Variants in RALYL observed in about 807,000 individuals in gnomAD.
RALYL encodes the protein RALY RNA binding protein like, also known as RNA-binding Raly-like protein.
In RALYL, 29 loss-of-function variants were observed where a neutral mutation model predicts 35.1. That is an observed-to-expected ratio of 0.83 (90% CI 0.61 to 1.13). The LOEUF is 1.13. RALYL is among the 50% of genes most tolerant of loss of function. RALYL has a pLI of 0.00. For missense variants in RALYL, 359 were observed against 360.4 expected (o/e 1.00, Z 0.03); for synonymous variants, 120 against 127.6 (o/e 0.94, Z 0.40).
At chr8:84,475,120 C>A (rs186035487) in intron 1 of RALYL, among the ~76,000 whole-genome samples, 19 of 151,230 alleles carry the variant, frequency 1.3e-4, no homozygotes, top group Non-Finnish European at 2.1e-4. Context: ...TCCAAGTGTT[C>A]GCATTGTTCA....
chr8:84,395,522 G>T (rs1861595023), intron 1 of RALYL, among the ~76,000 whole-genome samples: 1 of 151,794 alleles, frequency 6.6e-6, no homozygotes, highest in South Asian at 2.1e-4. Flanking sequence ...ATCTGTAAAT[G>T]ATGTAATCCG....
intron 1 of RALYL, among the ~76,000 whole-genome samples, chr8:84,455,781 A>T (rs2050069947): frequency 6.6e-6 from 1 of 152,052 alleles, no homozygotes; most frequent in Non-Finnish European, 1.5e-5. Context: ...CCATTTCTAT[A>T]TACATTTCTG....
intron 1 of RALYL, among the ~76,000 whole-genome samples, chr8:84,302,732 C>T (rs1053702615): frequency 1.2e-4 from 18 of 152,146 alleles, no homozygotes; most frequent in African/African-American, 2.6e-4. Context: ...GGAATGGAGT[C>T]GATGAGGGAC....
chr8:84,260,407 C>T (rs530581536), intron 1 of RALYL, among the ~76,000 whole-genome samples: 5 of 152,034 alleles, frequency 3.3e-5, no homozygotes, highest in Admixed American at 6.6e-5. Context: ...AGCTGGTGGT[C>T]GGGCTGTGGT....
intron 1 of RALYL, among the ~76,000 whole-genome samples, chr8:84,297,537 G>C (rs1586046596): frequency 6.6e-6 from 1 of 152,012 alleles, no homozygotes; most frequent in Non-Finnish European, 1.5e-5. Flanking sequence ...CTGTCTGTGT[G>C]GTAGCATAAT....
At chr8:84,635,226 AG>A (rs2131297317) in intron 2 of RALYL, among the ~76,000 whole-genome samples, 1 of 151,874 alleles carries the variant, frequency 6.6e-6, no homozygotes, top group Admixed American at 6.6e-5. Flanking sequence ...GGCATGAAAA[AG>A]CGAAACAATA....
intron 1 of RALYL, among the ~76,000 whole-genome samples, chr8:84,266,521 T>A (rs577349037): frequency 2.6e-5 from 4 of 152,230 alleles, no homozygotes; most frequent in Non-Finnish European, 5.9e-5. Flanking sequence ...TCTGCAAATA[T>A]CAAACTATCC....
intron 2 of RALYL, among the ~76,000 whole-genome samples, chr8:84,530,975 G>A (rs1342904578): frequency 2.0e-5 from 3 of 152,088 alleles, no homozygotes; most frequent in Admixed American, 2.0e-4. Flanking sequence ...TCTTTAGAGT[G>A]TGCTGTGCTA....
At chr8:84,822,496 T>C (rs1046691590) in intron 4 of RALYL, among the ~76,000 whole-genome samples, 1 of 152,192 alleles carries the variant, frequency 6.6e-6, no homozygotes, top group Admixed American at 6.6e-5. Flanking sequence ...TGAAGGGCAC[T>C]GTGTATGTGC....
At chr8:84,521,408 A>G (rs1181175512) in intron 1 of RALYL, among the ~76,000 whole-genome samples, 1 of 152,220 alleles carries the variant, frequency 6.6e-6, no homozygotes, top group South Asian at 2.1e-4. Flanking sequence ...TAATACATCA[A>G]CATAGAAAGG....
rs113247267 is a variant in RALYL at position 84,606,579 on chromosome 8, G to A, written c.256+77002G>A. On this transcript the variant is annotated intron_variant, in intron 2 of 8. Coordinates refer to ENST00000521268, the MANE Select transcript of RALYL (RefSeq NM_173848.7). The stretch of plus-strand genomic sequence containing the variant: ...ATATTTAATTTAATTTTCTCCTGAA[G>A]ACATCAATATATTTTAAGTTTTTCT... Among the ~76,000 whole-genome samples the A allele has an allele frequency of 9.5e-3, 1,444 of 152,210 alleles. 22 individuals carry two copies. The highest frequency in any genetic ancestry group is 0.038 in the Admixed American group (584 of 15,264).
chr8:84,704,546 C>T (rs1367746782), intron 2 of RALYL, among the ~76,000 whole-genome samples: 2 of 151,774 alleles, frequency 1.3e-5, no homozygotes, highest in East Asian at 3.9e-4. Context: ...TTGATCTAAC[C>T]TCTGGACATA....
chr8:84,540,579 G>GT (rs1210213741), intron 2 of RALYL, among the ~76,000 whole-genome samples: 16 of 149,932 alleles, frequency 1.1e-4, no homozygotes, highest in Admixed American at 4.7e-4. Flanking sequence ...TGTCTTGTGT[G>GT]TTTTTTTTTA....
chr8:84,278,518 G>A (rs1327058981), intron 1 of RALYL, among the ~76,000 whole-genome samples: 1 of 152,174 alleles, frequency 6.6e-6, no homozygotes. Context: ...CTAGAAAATG[G>A]GTTTTTCCTT....
At chr8:84,467,466 T>G (rs1340829667) in intron 1 of RALYL, among the ~76,000 whole-genome samples, 1 of 152,100 alleles carries the variant, frequency 6.6e-6, no homozygotes, top group Non-Finnish European at 1.5e-5. Flanking sequence ...AGTGGGATTC[T>G]TAATCCTGAG....
At chr8:84,426,035 C>T in intron 1 of RALYL, among the ~76,000 whole-genome samples, 1 of 151,852 alleles carries the variant, frequency 6.6e-6, no homozygotes, top group East Asian at 1.9e-4. Flanking sequence ...TCTCATATCT[C>T]CTTGAACTGA....
intron 3 of RALYL, among the ~76,000 whole-genome samples, chr8:84,789,478 C>G (rs1386282838): frequency 6.6e-6 from 1 of 152,038 alleles, no homozygotes; most frequent in Non-Finnish European, 1.5e-5. Flanking sequence ...ATCTTTTTCT[C>G]ATTTTTTTCC....
intron 2 of RALYL, among the ~76,000 whole-genome samples, chr8:84,646,825 C>T (rs1028732194): frequency 2.0e-5 from 3 of 152,086 alleles, no homozygotes; most frequent in Non-Finnish European, 2.9e-5. Flanking sequence ...CACTTACTTT[C>T]GCTAAACCCA....
intron 1 of RALYL, among the ~76,000 whole-genome samples, chr8:84,368,193 G>A (rs1428160667): frequency 6.6e-6 from 1 of 152,126 alleles, no homozygotes; most frequent in Non-Finnish European, 1.5e-5. Flanking sequence ...AAAAGTACAT[G>A]TATCTATTTA....
Sources: allele counts gnomAD v4.1 joint callset (sites outside exome capture counted in the v4.1 genomes callset), GRCh38; gene constraint gnomAD v4.1.1; transcripts MANE v1.5; gene names NCBI Gene and HGNC (gene_info 2026-07-23, HGNC 2026-07-21).